HMCN2: variants seen among roughly 807,000 people sequenced by gnomAD.
HMCN2 encodes the protein hemicentin-2.
In HMCN2, 325 loss-of-function variants were observed where a neutral mutation model predicts 377.5. The observed-to-expected ratio is 0.86, with a 90% CI of 0.79 to 0.94. The LOEUF (loss-of-function observed/expected upper bound fraction) is 0.94. Ranked by LOEUF, HMCN2 falls within the 40% of genes least tolerant of loss-of-function variation. The pLI, the probability that HMCN2 is intolerant of heterozygous loss-of-function variation, is 0.00. For missense variants in HMCN2, 4,543 were observed against 4,725.3 expected (o/e 0.96, Z 1.13); for synonymous variants, 2,007 against 2,046.8 (o/e 0.98, Z 0.53).
rs1008954614 is a variant in HMCN2 at position 130,394,918 on chromosome 9, C to G, written c.10693-109C>G. 2 of 672,850 alleles carry G rather than the reference C, an allele frequency of 3.0e-6. No homozygotes were observed. The highest frequency in any genetic ancestry group is 4.4e-6 in the Non-Finnish European group (2 of 457,542). The allele number at this position is 672,850 out of a possible 1,614,324, so 41.7% of individuals were successfully genotyped here. Reference sequence around the variant, plus strand: ...TGGCTGGGAGGTGGATGGCAGACCTCGCAGGGCTGAGTTTGAATCCTGGGT... The same window carrying G: ...TGGCTGGGAGGTGGATGGCAGACCTGGCAGGGCTGAGTTTGAATCCTGGGT... On this transcript the variant is annotated intron_variant, in intron 69 of 97. Coordinates refer to ENST00000683500, the MANE Select transcript of HMCN2 (RefSeq NM_001291815.2). This position sits in a 1 kb window ranked among gnomAD's most constrained non-coding sequence, Gnocchi z 5.1.
chr9:130,277,697 C>G (rs969833425), intron 1 of HMCN2, among the ~76,000 whole-genome samples: 1 of 143,964 alleles, frequency 6.9e-6, no homozygotes, highest in Non-Finnish European at 1.5e-5. Context: ...ATCATCATCA[C>G]CACCACCACC....
intron 15 of HMCN2, among the ~76,000 whole-genome samples, chr9:130,317,667 A>G (rs903454214): frequency 6.8e-6 from 1 of 146,102 alleles, no homozygotes; most frequent in African/African-American, 2.5e-5. Context: ...GCTAATTTAT[A>G]TATATATTTT....
chr9:130,417,446 C>T (rs1442442432), intron 85 of HMCN2, among the ~76,000 whole-genome samples: 8 of 146,068 alleles, frequency 5.5e-5, no homozygotes, highest in African/African-American at 1.8e-4. Context: ...CACTTGAAGC[C>T]GGGAGGCAGA....
At chr9:130,389,025 G>T (rs1003028815) in intron 62 of HMCN2, among the ~76,000 whole-genome samples, 6 of 152,160 alleles carry the variant, frequency 3.9e-5, no homozygotes, top group Admixed American at 3.9e-4. Context: ...GCCCCACATG[G>T]TCTCCTGGGC....
intron 33 of HMCN2, 24 bp from the exon 34 acceptor site, chr9:130,356,064 C>CA: frequency 1.7e-6 from 2 of 1,210,514 alleles, no homozygotes; most frequent in Non-Finnish European, 1.1e-6. Context: ...CAGGTTGACA[C>CA]GCCCCCCTCC....
chr9:130,427,395 G>C lies in HMCN2; in HGVS notation c.13942+20G>C. Reference sequence around the variant, plus strand: ...GTGTGGGTGAGCGCCCCCAACCCTGGCATGGATGTGGGAGGCCTCTCAGCC... The same window carrying C: ...GTGTGGGTGAGCGCCCCCAACCCTGCCATGGATGTGGGAGGCCTCTCAGCC... On this transcript the variant is annotated intron_variant, in intron 91 of 97. Coordinates refer to ENST00000683500, the MANE Select transcript of HMCN2 (RefSeq NM_001291815.2). 2.6e-6 allele frequency: 4 copies of C among 1,550,562 alleles called. No individual in the cohort carries two copies. The highest frequency in any genetic ancestry group is 2.6e-6 in the Non-Finnish European group (3 of 1,146,978).
intron 3 of HMCN2, among the ~76,000 whole-genome samples, chr9:130,285,611 C>A (rs2131279803): frequency 6.6e-6 from 1 of 152,366 alleles, no homozygotes; most frequent in Non-Finnish European, 1.5e-5. Flanking sequence ...AAAGTCCAGG[C>A]AACCCGTCTT....
intron 61 of HMCN2, among the ~76,000 whole-genome samples, chr9:130,387,804 A>G (rs1457270446): frequency 1.3e-5 from 2 of 152,212 alleles, no homozygotes; most frequent in Non-Finnish European, 2.9e-5. Flanking sequence ...GATGGAGTGC[A>G]GGGGCTCATG....
rs188871705 is a variant in HMCN2 at position 130,363,300 on chromosome 9, A to C, written c.6232+310A>C. On this transcript the variant is annotated intron_variant, in intron 40 of 97. Coordinates refer to ENST00000683500, the MANE Select transcript of HMCN2 (RefSeq NM_001291815.2). ...TGGTGGTTAGGAAAGCCGGCTCTTG[A>C]GTGTCACCGACATGGGGTTCAAACC... Among the ~76,000 whole-genome samples, 428 of 152,242 alleles carry C rather than the reference A, an allele frequency of 2.8e-3. 1 individual carries two copies. The highest frequency in any genetic ancestry group is 3.4e-3 in the Non-Finnish European group (234 of 68,016).
At position 130,427,337 on chromosome 9, in the gene HMCN2, A is replaced by C; in HGVS notation, c.13904A>C (p.Glu4635Ala). The C allele has an allele frequency of 6.4e-7, 1 of 1,550,528 alleles. No individual in the cohort carries two copies. Among genetic ancestry groups the C allele is most frequent in the Non-Finnish European group, 8.7e-7 (1 of 1,146,976 alleles). ...QAEENEVGCP[E>A]GFELDSQGAF... ...GAGGAGAACGAGGTCGGCTGCCCCGAGGGCTTTGAGCTGGACTCCCAGGGA... is the reference window on the plus strand; with the variant it reads ...GAGGAGAACGAGGTCGGCTGCCCCGCGGGCTTTGAGCTGGACTCCCAGGGA... The change falls in exon 91 of 98, where the codon GAG becomes GCG. Residue 4635 changes from glutamate to alanine, a missense_variant. Around this residue, in one of 5 missense-constraint regions of HMCN2, gnomAD observed 1,155 missense variants for 1,157.7 expected, o/e 1.00. Coordinates refer to ENST00000683500, the MANE Select transcript of HMCN2 (RefSeq NM_001291815.2).
Position 130,422,577 on chromosome 9 carries a change from G to A in HMCN2, c.13232G>A (p.Gly4411Glu). Residue 4411 changes from glycine to glutamate, a missense_variant and splice_region_variant, in exon 87 of 98, where the codon GGG becomes GAG. This residue lies in a region of HMCN2 where 1,155 missense variants were observed against 1,157.7 expected (regional missense o/e 1.00). Transcript: ENST00000683500. The surrounding 1 kb of genome is among the most constrained non-coding windows in gnomAD (Gnocchi z 4.2). ...CTGTCATTCTTTCCCTTCCTTACAGGGGAGCCCCAGGGGAGCTGGGGCAGC... is the reference window on the plus strand; with the variant it reads ...CTGTCATTCTTTCCCTTCCTTACAGAGGAGCCCCAGGGGAGCTGGGGCAGC... ...ATARAFLVVR[G>E]EPQGSWGSMT... 2 of 1,314,704 alleles carry A rather than the reference G, an allele frequency of 1.5e-6. No homozygotes were observed. The highest frequency in any genetic ancestry group is 2.0e-6 in the Non-Finnish European group (2 of 1,025,424). 81.4% of individuals were successfully genotyped at this position (1,314,704 alleles called of 1,614,324 possible).
At chr9:130,430,797 G>A in intron 95 of HMCN2, 193 bp downstream of exon 95, 7 of 596,534 alleles carry the variant, frequency 1.2e-5, no homozygotes, top group South Asian at 2.3e-5. Flanking sequence ...TGGGCAGGGG[G>A]CTTCCAAGAT....
rs978571534 is a variant in HMCN2, at chr9:130,428,870, C to G, written c.14197+381C>G. 6.6e-6 allele frequency among the ~76,000 whole-genome samples: 1 copy of G among 152,216 alleles called. No individual in the cohort carries two copies. The highest frequency in any genetic ancestry group is 6.5e-5 in the Admixed American group (1 of 15,290). On this transcript the variant is annotated intron_variant, in intron 93 of 97. Coordinates refer to ENST00000683500, the MANE Select transcript of HMCN2 (RefSeq NM_001291815.2). This position sits in a 1 kb window ranked among gnomAD's most constrained non-coding sequence, Gnocchi z 5.0. ...CTCTGAATCCTTCTTGACGCAGCAG[C>G]CCCTGCAGCCACAGTGGAACAGGTT...
intron 76 of HMCN2, chr9:130,400,401 G>A (rs913596066): frequency 1.1e-4 from 18 of 165,906 alleles, no homozygotes; most frequent in Non-Finnish European, 1.7e-4. Context: ...GCATCAATAT[G>A]GTGACCTCCC....
intron 80 of HMCN2, among the ~76,000 whole-genome samples, chr9:130,404,369 C>T (rs912906818): frequency 6.6e-6 from 1 of 152,194 alleles, no homozygotes; most frequent in African/African-American, 2.4e-5. Context: ...CAGAGGGGCT[C>T]CTGGCTCCAG....
At chr9:130,362,337 T>TA (rs1840431511) in intron 39 of HMCN2, among the ~76,000 whole-genome samples, 172 bp downstream of exon 39, 1 of 152,180 alleles carries the variant, frequency 6.6e-6, no homozygotes. Context: ...TGCCCAATGG[T>TA]AACGATACAT....
chr9:130,299,566 C>T (rs190470912), intron 8 of HMCN2, among the ~76,000 whole-genome samples: 2 of 151,932 alleles, frequency 1.3e-5, no homozygotes, highest in East Asian at 3.9e-4. Flanking sequence ...CATGCACTGA[C>T]CCATTCACTC....
intron 22 of HMCN2, among the ~76,000 whole-genome samples, chr9:130,331,490 A>C (rs905363878): frequency 6.6e-6 from 1 of 152,210 alleles, no homozygotes; most frequent in African/African-American, 2.4e-5. Flanking sequence ...ATTGTGTTGC[A>C]GCCTCGGAGA....
chr9:130,338,577 A>G (rs1055221657), intron 23 of HMCN2: 1 of 152,284 alleles, frequency 6.6e-6, no homozygotes, highest in Non-Finnish European at 1.5e-5. Context: ...CCTCTAGTCC[A>G]AGGCCCCTAC....
Sources: gnomAD v4.1 joint callset for allele counts (sites outside exome capture counted in the v4.1 genomes callset) on GRCh38, gnomAD v4.1.1 for gene constraint, gnomAD v4.1.1 regional missense constraint, Gnocchi (gnomAD v3.1) non-coding constraint, MANE v1.5 for transcripts, NCBI Gene and HGNC (gene_info 2026-07-23, HGNC 2026-07-21) for gene names.